RBFOX3: variants seen among roughly 807,000 people sequenced by gnomAD.
The protein encoded by RBFOX3 is RNA binding protein fox-1 homolog 3.
Under a neutral mutation model 48.7 loss-of-function variants are expected in RBFOX3, and 17 were observed. The observed-to-expected ratio is 0.35, with a 90% CI of 0.24 to 0.52. The LOEUF (loss-of-function observed/expected upper bound fraction) is 0.52. RBFOX3 is among the 20% of genes least tolerant of loss of function. The pLI, the probability that RBFOX3 is intolerant of heterozygous loss-of-function variation, is 0.94. For synonymous variants in RBFOX3, 212 were observed against 209.5 expected (o/e 1.01, Z -0.10); for missense variants, 382 against 497.5 (o/e 0.77, Z 2.21).
At chr17:79,315,022 T>C (rs1278872977) in intron 2 of RBFOX3, among the ~76,000 whole-genome samples, 1 of 152,136 alleles carries the variant, frequency 6.6e-6, no homozygotes, top group Non-Finnish European at 1.5e-5. Flanking sequence ...TCTCCAAAAA[T>C]TTTTTGAGAC....
At chr17:79,623,823 T>TAAAAAAAAA in the RBFOX3 span, among the ~76,000 whole-genome samples, 1 of 106,026 alleles carries the variant, frequency 9.4e-6, no homozygotes, top group Admixed American at 9.6e-5. Flanking sequence ...ACTCTGTCTC[T>TAAAAAAAAA]AAAAAAAAAA....
At chr17:79,154,818 A>G (rs572075828) in intron 4 of RBFOX3, among the ~76,000 whole-genome samples, 1 of 151,470 alleles carries the variant, frequency 6.6e-6, no homozygotes, top group African/African-American at 2.4e-5. Flanking sequence ...GCCTCCCCCA[A>G]ACCCTCTACT....
At chr17:79,343,240 G>A (rs1450861988) in intron 2 of RBFOX3, among the ~76,000 whole-genome samples, 1 of 152,074 alleles carries the variant, frequency 6.6e-6, no homozygotes, top group Non-Finnish European at 1.5e-5. Context: ...AAAACTGGAG[G>A]AAGGGCCAGG....
At chr17:79,150,021 T>TTGAGGGTGGGGGGTGGGGGTGGGGGG (rs2044017188) in intron 4 of RBFOX3, among the ~76,000 whole-genome samples, 5 of 12,776 alleles carry the variant, frequency 3.9e-4, no homozygotes, top group African/African-American at 7.8e-4. Flanking sequence ...GGGATGGGGG[T>TTGAGGGTGGGGGGTGGGGGTGGGGGG]TGAGGGTGGG....
At chr17:79,426,056 G>A (rs1036576838) in intron 2 of RBFOX3, among the ~76,000 whole-genome samples, 14 of 152,142 alleles carry the variant, frequency 9.2e-5, no homozygotes, top group African/African-American at 3.4e-4. Flanking sequence ...TGGAGCTGGG[G>A]AGGAGAGGGA....
At chr17:79,411,290 T>C (rs1379923860) in intron 2 of RBFOX3, among the ~76,000 whole-genome samples, 1 of 152,098 alleles carries the variant, frequency 6.6e-6, no homozygotes, top group Non-Finnish European at 1.5e-5. Flanking sequence ...GGGCACCTCA[T>C]GGCACCTCAC....
intron 4 of RBFOX3, among the ~76,000 whole-genome samples, chr17:79,232,705 A>AT (rs1281029287): frequency 5.3e-5 from 8 of 152,146 alleles, no homozygotes; most frequent in Non-Finnish European, 2.9e-5. Context: ...AGGCGAAAAA[A>AT]AATCTCTTTA....
intron 4 of RBFOX3, among the ~76,000 whole-genome samples, chr17:79,137,759 T>C (rs1340936902): frequency 6.6e-6 from 1 of 152,046 alleles, no homozygotes; most frequent in Non-Finnish European, 1.5e-5. Flanking sequence ...TAAATGTCCC[T>C]CATTAATGAG....
At chr17:79,532,772 G>T (rs1015024479) in intron 1 of RBFOX3, among the ~76,000 whole-genome samples, 11 of 152,370 alleles carry the variant, frequency 7.2e-5, no homozygotes, top group Admixed American at 5.2e-4. Context: ...ACAAGCAAAG[G>T]CCACAGGGAC....
intron 1 of RBFOX3, among the ~76,000 whole-genome samples, chr17:79,594,594 G>T (rs2093517576): frequency 6.6e-6 from 1 of 152,216 alleles, no homozygotes; most frequent in South Asian, 2.1e-4. Flanking sequence ...CGAGGTTCTT[G>T]TTCCTGTCCC....
Position 79,155,548 on chromosome 17 carries a change from C to T in RBFOX3, c.-33-39800G>A, listed in dbSNP as rs150813077. On this transcript the variant is annotated intron_variant, in intron 4 of 14. Coordinates refer to ENST00000693108, the MANE Select transcript of RBFOX3 (RefSeq NM_001350451.2). The stretch of plus-strand genomic sequence containing the variant: ...TTCAGAGTATTATGAAATGGTAATG[C>T]TGTACGGCAGAGGTGGTGCAGCCCG... Among the ~76,000 whole-genome samples, 463 of 152,314 alleles carry T rather than the reference C, an allele frequency of 3.0e-3. 4 individuals carry two copies. Among genetic ancestry groups the T allele is most frequent in the Non-Finnish European group, 2.5e-3 (173 of 68,022 alleles).
At position 79,204,445 on chromosome 17, in the gene RBFOX3, A is replaced by ACACGC. The variant is rs1236748529; in HGVS notation, c.-34+31316_-34+31320dup. Reference sequence around the variant, plus strand: ...CTCAGGGCTTAATATCCTGGAAAGGACACGCGTACCAGTCCAGTGAACAGC... The same window carrying ACACGC: ...CTCAGGGCTTAATATCCTGGAAAGGACACGCCACGCGTACCAGTCCAGTGAACAGC... On this transcript the variant is annotated intron_variant, in intron 4 of 14. Transcript: ENST00000693108. The surrounding 1 kb of genome is among the most constrained non-coding windows in gnomAD (Gnocchi z 4.5). Among the ~76,000 whole-genome samples, 1 of 152,210 alleles carries ACACGC rather than the reference A, an allele frequency of 6.6e-6. No homozygotes were observed. The highest frequency in any genetic ancestry group is 1.5e-5 in the Non-Finnish European group (1 of 68,032).
intron 4 of RBFOX3, chr17:79,233,760 C>T (rs770516757): frequency 2.1e-4 from 32 of 152,156 alleles, no homozygotes; most frequent in Non-Finnish European, 3.8e-4. Context: ...GTGCCTGTCA[C>T]CATGCCCGGC....
chr17:79,288,959 C>T (rs1390770929), intron 3 of RBFOX3, among the ~76,000 whole-genome samples: 2 of 152,158 alleles, frequency 1.3e-5, no homozygotes, highest in Non-Finnish European at 2.9e-5. Flanking sequence ...GGATGGAATA[C>T]AGTAGCAGGG....
chr17:79,457,004 G>C (rs1248978781), intron 2 of RBFOX3, among the ~76,000 whole-genome samples: 4 of 152,222 alleles, frequency 2.6e-5, no homozygotes, highest in African/African-American at 9.6e-5. Context: ...CAGAGGTACA[G>C]GCATAGGTAT....
intron 2 of RBFOX3, among the ~76,000 whole-genome samples, chr17:79,367,787 A>G (rs551877206): frequency 9.9e-5 from 15 of 152,234 alleles, no homozygotes; most frequent in Admixed American, 9.1e-4. Flanking sequence ...CAGCCAAGGT[A>G]TGTGACAGAG....
chr17:79,501,070 G>A (rs1057091272), intron 1 of RBFOX3, among the ~76,000 whole-genome samples: 4 of 152,208 alleles, frequency 2.6e-5, no homozygotes, highest in African/African-American at 4.8e-5. Context: ...TCCGCACAGC[G>A]CACGTGGCGT....
At chr17:79,537,953 C>T (rs1050347520) in intron 1 of RBFOX3, among the ~76,000 whole-genome samples, 3 of 152,170 alleles carry the variant, frequency 2.0e-5, no homozygotes, top group Admixed American at 2.0e-4. Flanking sequence ...GGAGATGCTT[C>T]CCCTCAAACG....
Position 79,384,900 on chromosome 17 carries a change from C to T in RBFOX3, c.-174-77076G>A, listed in dbSNP as rs867710929. On this transcript the variant is annotated intron_variant, in intron 2 of 14. Coordinates refer to ENST00000693108, the MANE Select transcript of RBFOX3 (RefSeq NM_001350451.2). The stretch of plus-strand genomic sequence containing the variant: ...ATGTTTCAGTGGGGAGGGAGACCTT[C>T]CAAACTTCGGCAGCTACACGCCGGC... 5.4e-4 allele frequency among the ~76,000 whole-genome samples: 83 copies of T among 152,360 alleles called. 1 individual carries two copies. The highest frequency in any genetic ancestry group is 4.3e-3 in the Admixed American group (66 of 15,306).
Sources: allele counts gnomAD v4.1 joint callset (sites outside exome capture counted in the v4.1 genomes callset), GRCh38; gene constraint gnomAD v4.1.1; non-coding constraint Gnocchi (gnomAD v3.1); transcripts MANE v1.5; gene names NCBI Gene and HGNC (gene_info 2026-07-23, HGNC 2026-07-21).